The following SYNE2 variants were observed in gnomAD, a reference collection of about 807,000 sequenced individuals.
The protein encoded by SYNE2 is spectrin repeat containing nuclear envelope protein 2.
A neutral mutation model predicts 856.3 loss-of-function variants in SYNE2; 431 were observed. The observed-to-expected ratio is 0.50, with a 90% CI of 0.47 to 0.55. The LOEUF is 0.55. Among genes scored for constraint, SYNE2 ranks in the 20% least tolerant of loss-of-function variants. The pLI is 0.00. For missense variants in SYNE2, 8,129 were observed against 8,023.2 expected, an observed-to-expected ratio of 1.01 and a Z score of -0.50; for synonymous variants, 2,923 against 2,872.3, an observed-to-expected ratio of 1.02 and a Z score of -0.56.
chr14:64,166,269 G>A (rs1279980807), intron 90 of SYNE2, among the ~76,000 whole-genome samples: 1 of 152,072 alleles, frequency 6.6e-6, no homozygotes, highest in African/African-American at 2.4e-5. Flanking sequence ...CGCTACAAGG[G>A]CAGAGTTGAC....
intron 1 of SYNE2, among the ~76,000 whole-genome samples, chr14:63,773,889 T>G (rs1240102872): frequency 6.6e-6 from 1 of 152,240 alleles, no homozygotes; most frequent in Non-Finnish European, 1.5e-5. Context: ...AAGCACATCT[T>G]GTTTGAAATA....
chr14:64,108,008 C>A (rs1349984131), intron 65 of SYNE2, among the ~76,000 whole-genome samples: 2 of 152,240 alleles, frequency 1.3e-5, no homozygotes, highest in South Asian at 2.1e-4. Flanking sequence ...TAGGTTCATA[C>A]CTACCATATG....
Position 64,007,186 on chromosome 14 carries a change from T to C in SYNE2, c.4541T>C (p.Val1514Ala), listed in dbSNP as rs1223779108. The change falls in exon 31 of 116, where the codon GTC (valine) becomes GCC (alanine). Residue 1514 changes from valine (V) to alanine (A), a missense_variant. By Grantham distance (64) the Val-to-Ala change is moderately conservative (BLOSUM62 0). Transcript: ENST00000555002. ...TVNQQCQNTV[V>A]LWENTKALVT... Reference sequence around the variant, plus strand: ...AATCAACAGTGCCAAAATACAGTAGTCTTGTGGGAGAATACCAAAGCCTTG... The same window carrying C: ...AATCAACAGTGCCAAAATACAGTAGCCTTGTGGGAGAATACCAAAGCCTTG... The C allele has an allele frequency of 1.2e-6, 2 of 1,614,022 alleles. No homozygotes were observed. The highest frequency in any genetic ancestry group is 2.7e-5 in the African/African-American group (2 of 74,918).
chr14:63,896,274 C>G (rs1387375382), intron 1 of SYNE2, among the ~76,000 whole-genome samples: 1 of 152,216 alleles, frequency 6.6e-6, no homozygotes, highest in African/African-American at 2.4e-5. Context: ...TCCCGAACTC[C>G]TGTAGAAAGA....
chr14:64,146,168 C>G lies in SYNE2; in HGVS notation c.15584C>G (p.Thr5195Ser). ...GAAGCACAAGAAGAGAGACTGAAAA[C>G]TTTACAAAAACCTGAAAGTGTGATC... is the stretch of plus-strand genomic sequence containing the variant. ...WLEAQEERLK[T>S]LQKPESVISV... Residue 5195 changes from threonine to serine, a missense_variant, in exon 84 of 116, where the codon ACT becomes AGT. Physicochemically the swap from Thr to Ser is moderately conservative, Grantham distance 58. This residue lies in a region of SYNE2 where 5,410 missense variants were observed against 5,284.8 expected (regional missense o/e 1.02). Coordinates refer to ENST00000555002, the MANE Select transcript of SYNE2 (RefSeq NM_182914.3). 6.2e-7 allele frequency: 1 copy of G among 1,612,664 alleles called. No homozygotes were observed. Among genetic ancestry groups the G allele is most frequent in the Non-Finnish European group, 8.5e-7 (1 of 1,179,534 alleles).
intron 1 of SYNE2, among the ~76,000 whole-genome samples, chr14:63,794,997 C>T (rs1473126309): frequency 6.6e-6 from 1 of 152,184 alleles, no homozygotes; most frequent in African/African-American, 2.4e-5. Context: ...ACTCTGCCTC[C>T]CAGGCTCAGG....
At chr14:64,197,575 A>G (rs1198961641) in intron 99 of SYNE2, among the ~76,000 whole-genome samples, 1 of 152,228 alleles carries the variant, frequency 6.6e-6, no homozygotes, top group Non-Finnish European at 1.5e-5. Flanking sequence ...ACAAATTCAG[A>G]TACTTGAACC....
At chr14:63,833,688 G>C (rs1282676337) in intron 1 of SYNE2, among the ~76,000 whole-genome samples, 1 of 152,044 alleles carries the variant, frequency 6.6e-6, no homozygotes, top group Non-Finnish European at 1.5e-5. Flanking sequence ...CCTATTAATG[G>C]CATACAATGT....
At chr14:64,062,004 G>A (rs927390935) in intron 49 of SYNE2, among the ~76,000 whole-genome samples, 4 of 152,116 alleles carry the variant, frequency 2.6e-5, no homozygotes, top group African/African-American at 9.7e-5. Context: ...TGTTTTTTAA[G>A]AATAATTTGA....
At chr14:64,024,080 A>C in intron 38 of SYNE2, 177 bp from the exon 39 acceptor site, 1 of 596,920 alleles carries the variant, frequency 1.7e-6, no homozygotes, top group Non-Finnish European at 3.0e-6. Context: ...CCAAGAAGTC[A>C]GAACTATTAT....
At chr14:64,023,128 G>C (rs907692037) in intron 38 of SYNE2, 1 of 413,674 alleles carries the variant, frequency 2.4e-6, no homozygotes, top group African/African-American at 2.0e-5. Flanking sequence ...GTGGCAGCAA[G>C]TACCTGTAGT....
chr14:63,781,051 C>G (rs548082832), intron 1 of SYNE2, among the ~76,000 whole-genome samples: 8 of 151,944 alleles, frequency 5.3e-5, no homozygotes, highest in African/African-American at 1.9e-4. Context: ...CCGAGGTGGG[C>G]GGATTACCTG....
At chr14:64,023,910 G>T in intron 38 of SYNE2, 1 of 289,702 alleles carries the variant, frequency 3.5e-6, no homozygotes, top group Non-Finnish European at 6.7e-6. Context: ...CCCAAACCTT[G>T]AAACGTAAAC....
rs181651781 is a variant in SYNE2, at chr14:63,900,248, T to A, written c.-51-8850T>A. ...TTTGAGAATTGCTACATTTTTGTTTTCCAAAAGTGTAATGCATAGATAGGT... is the reference window on the plus strand; with the variant it reads ...TTTGAGAATTGCTACATTTTTGTTTACCAAAAGTGTAATGCATAGATAGGT... On this transcript the variant is annotated intron_variant, in intron 1 of 115. Coordinates refer to ENST00000555002, the MANE Select transcript of SYNE2 (RefSeq NM_182914.3). Among the ~76,000 whole-genome samples, 5 of 152,344 alleles carry A rather than the reference T, an allele frequency of 3.3e-5. No individual in the cohort carries two copies. The East Asian group carries it at 9.6e-4, about 29-fold the overall frequency.
chr14:64,098,798 G>A lies in SYNE2; in HGVS notation c.12358G>A (p.Glu4120Lys). 6.2e-7 allele frequency: 1 copy of A among 1,614,124 alleles called. No individual in the cohort carries two copies. The highest frequency in any genetic ancestry group is 2.2e-5 in the East Asian group (1 of 44,886). ...SYLAAVEEEV[E>K]ESSVKSDNGD... The stretch of plus-strand genomic sequence containing the variant: ...CCTGGCAGCAGTCGAGGAAGAGGTG[G>A]AAGAAAGTTCCGTGAAGAGCGATGT... Residue 4120 changes from glutamate to lysine, a missense_variant, in exon 63 of 116, where the codon GAA becomes AAA. Coordinates refer to ENST00000555002, the MANE Select transcript of SYNE2 (RefSeq NM_182914.3).
intron 52 of SYNE2, among the ~76,000 whole-genome samples, chr14:64,071,143 G>GT (rs1166230374): frequency 6.6e-6 from 1 of 152,062 alleles, no homozygotes; most frequent in African/African-American, 2.4e-5. Flanking sequence ...TCATTTGTGG[G>GT]TTTTTTGTTT....
intron 85 of SYNE2, among the ~76,000 whole-genome samples, chr14:64,153,942 G>C (rs571301778): frequency 6.6e-6 from 1 of 152,188 alleles, no homozygotes; most frequent in Non-Finnish European, 1.5e-5. Flanking sequence ...ACACTTTCTT[G>C]AAAAATGGTG....
chr14:64,148,807 T>A (rs1416545976), intron 84 of SYNE2, among the ~76,000 whole-genome samples: 1 of 152,182 alleles, frequency 6.6e-6, no homozygotes, highest in Non-Finnish European at 1.5e-5. Flanking sequence ...TGGGCTCATC[T>A]GTCCACGGGT....
chr14:63,832,304 C>T (rs907747942), intron 1 of SYNE2, among the ~76,000 whole-genome samples: 1 of 151,590 alleles, frequency 6.6e-6, no homozygotes, highest in Non-Finnish European at 1.5e-5. Flanking sequence ...GAGTTCAACA[C>T]CAGCCATGGG....
Sources: gnomAD v4.1 joint callset for allele counts (sites outside exome capture counted in the v4.1 genomes callset) on GRCh38, gnomAD v4.1.1 for gene constraint, gnomAD v4.1.1 regional missense constraint, MANE v1.5 for transcripts, NCBI Gene and HGNC (gene_info 2026-07-23, HGNC 2026-07-21) for gene names.